The following REEP3 variants were observed in gnomAD, a reference collection of about 807,000 sequenced individuals.
REEP3 encodes receptor accessory protein 3.
REEP3 carries 20 observed loss-of-function variants against 41.3 expected under a neutral mutation model. The observed-to-expected ratio is 0.48, with a 90% CI of 0.34 to 0.70. The LOEUF is 0.70. Among genes scored for constraint, REEP3 ranks in the 30% least tolerant of loss-of-function variants. REEP3 has a pLI of 0.01. For missense variants in REEP3, 271 were observed against 308.8 expected (o/e 0.88, Z 0.92); for synonymous variants, 104 against 101.8 (o/e 1.02, Z -0.13).
intron 5 of REEP3, among the ~76,000 whole-genome samples, chr10:63,601,588 C>T (rs1025848759): frequency 1.1e-4 from 17 of 152,236 alleles, no homozygotes; most frequent in Admixed American, 9.8e-4. Context: ...ACCTACAAAG[C>T]CAAGAGGATT....
At chr10:63,521,994 C>G (rs1288459329) in intron 1 of REEP3, 5 of 151,882 alleles carry the variant, frequency 3.3e-5, no homozygotes, top group Non-Finnish European at 5.9e-5. Flanking sequence ...GCGCAGGCTC[C>G]GCAGACGCCG....
rs1474705418 is a variant in REEP3, at chr10:63,620,680, A to G, written c.712-133A>G. ...GAGTTTATAAGTAGTGCTGTCTTAT[A>G]TACATTTATTAAGAGAATTCATTCT... On this transcript the variant is annotated intron_variant, in intron 7 of 7. Coordinates refer to ENST00000373758, the MANE Select transcript of REEP3 (RefSeq NM_001001330.3). 4 of 557,252 alleles carry G rather than the reference A, an allele frequency of 7.2e-6. No individual in the cohort carries two copies. The Admixed American group carries it at 9.8e-5, about 14-fold the overall frequency. The allele number at this position is 557,252 out of a possible 1,614,324, so 34.5% of individuals were successfully genotyped here. A position where few individuals can be genotyped will look rare whatever the true frequency, so the allele number is the denominator to read the frequency against.
chr10:63,618,217 T>C (rs1956326954), intron 6 of REEP3, among the ~76,000 whole-genome samples: 1 of 149,130 alleles, frequency 6.7e-6, no homozygotes, highest in African/African-American at 2.5e-5. Context: ...TATAACTTCA[T>C]GGGGATTTCT....
intron 4 of REEP3, among the ~76,000 whole-genome samples, 167 bp from the exon 5 acceptor site, chr10:63,599,003 A>C (rs1956146396): frequency 6.6e-6 from 1 of 152,184 alleles, no homozygotes; most frequent in Non-Finnish European, 1.5e-5. Flanking sequence ...GCCTAGGCAA[A>C]AGGAAGAGAC....
chr10:63,580,472 A>G (rs1955942521), intron 2 of REEP3, among the ~76,000 whole-genome samples: 1 of 152,218 alleles, frequency 6.6e-6, no homozygotes. Context: ...AAAAGGAAGG[A>G]AGAAAAATCA....
intron 1 of REEP3, among the ~76,000 whole-genome samples, chr10:63,564,239 A>C (rs1955774709): frequency 6.6e-6 from 1 of 152,234 alleles, no homozygotes; most frequent in South Asian, 2.1e-4. Context: ...TGGCCATTGA[A>C]AACAACAGAA....
At chr10:63,529,468 T>A (rs1239494451) in intron 1 of REEP3, among the ~76,000 whole-genome samples, 1 of 151,932 alleles carries the variant, frequency 6.6e-6, no homozygotes, top group African/African-American at 2.4e-5. Context: ...ATTTATTTAT[T>A]TATTTTAGAG....
Position 63,578,288 on chromosome 10 carries a change from C to T in REEP3, c.105+11878C>T, listed in dbSNP as rs1316344679. Among the ~76,000 whole-genome samples, 6 of 151,798 alleles carry T rather than the reference C, an allele frequency of 4.0e-5. No individual in the cohort carries two copies. In the East Asian group the frequency reaches 5.9e-4, roughly 15 times the overall value. On this transcript the variant is annotated intron_variant, in intron 2 of 7. Transcript: ENST00000373758. ...CTAATTTTTGTATTTTTAGTAGAGA[C>T]GGGGTTTCACCATGTTGGCCAGGCT...
intron 2 of REEP3, among the ~76,000 whole-genome samples, chr10:63,588,755 G>GA (rs1956030821): frequency 2.0e-5 from 3 of 152,294 alleles, no homozygotes; most frequent in Admixed American, 2.0e-4. Flanking sequence ...ATGCTAAAGA[G>GA]AAAAATAAAG....
intron 1 of REEP3, among the ~76,000 whole-genome samples, chr10:63,554,399 C>T (rs1955657957): frequency 6.6e-6 from 1 of 151,982 alleles, no homozygotes; most frequent in South Asian, 2.1e-4. Flanking sequence ...CAGTAGTATG[C>T]CTGTGGAATT....
At chr10:63,588,913 A>G (rs1956032095) in intron 2 of REEP3, among the ~76,000 whole-genome samples, 1 of 152,210 alleles carries the variant, frequency 6.6e-6, no homozygotes. Context: ...ACAAGGAAAC[A>G]GCATGCAAAA....
At chr10:63,600,837 A>G (rs1354700274) in intron 5 of REEP3, among the ~76,000 whole-genome samples, 2 of 152,216 alleles carry the variant, frequency 1.3e-5, no homozygotes, top group Non-Finnish European at 2.9e-5. Context: ...GAAAGAATTC[A>G]TAAAGATTCC....
intron 1 of REEP3, among the ~76,000 whole-genome samples, chr10:63,553,074 T>A (rs1037455534): frequency 6.6e-6 from 1 of 152,266 alleles, no homozygotes; most frequent in East Asian, 1.9e-4. Context: ...ATGTAACTTC[T>A]GTTATTGTTC....
chr10:63,616,379 A>C (rs191388353), intron 6 of REEP3, among the ~76,000 whole-genome samples: 1 of 152,264 alleles, frequency 6.6e-6, no homozygotes, highest in East Asian at 1.9e-4. Flanking sequence ...ATTGGACTCT[A>C]AATTTTTTGA....
intron 1 of REEP3, 74 bp downstream of exon 1, chr10:63,521,651 G>A (rs2133323691): frequency 2.6e-6 from 3 of 1,145,822 alleles, no homozygotes; most frequent in Middle Eastern, 2.8e-4. Context: ...GGAGCCGAGA[G>A]GAAAGGGAAG....
chr10:63,574,856 T>C (rs868641556), intron 2 of REEP3, among the ~76,000 whole-genome samples: 69 of 97,466 alleles, frequency 7.1e-4, no homozygotes, highest in African/African-American at 1.0e-3. Context: ...TCTTTTTTTT[T>C]TTTTTTTTTT....
chr10:63,612,564 G>A (rs923261860), intron 6 of REEP3, among the ~76,000 whole-genome samples: 9 of 152,188 alleles, frequency 5.9e-5, no homozygotes, highest in African/African-American at 1.2e-4. Context: ...GCCGAGGCAG[G>A]CAGATTCCCT....
At chr10:63,579,047 G>A (rs539027472) in intron 2 of REEP3, among the ~76,000 whole-genome samples, 1 of 134,586 alleles carries the variant, frequency 7.4e-6, no homozygotes, top group Admixed American at 7.2e-5. Flanking sequence ...TTTTTGGGGG[G>A]GGGGAGATGG....
chr10:63,574,153 C>T (rs937809371), intron 2 of REEP3, among the ~76,000 whole-genome samples: 2 of 152,140 alleles, frequency 1.3e-5, no homozygotes, highest in Non-Finnish European at 2.9e-5. Context: ...AAATAACATA[C>T]TTATTGTGCT....
Sources: gnomAD v4.1 joint callset for allele counts (sites outside exome capture counted in the v4.1 genomes callset) on GRCh38, gnomAD v4.1.1 for gene constraint, MANE v1.5 for transcripts, NCBI Gene and HGNC (gene_info 2026-07-23, HGNC 2026-07-21) for gene names.